Variants in ZNF736 observed in about 807,000 individuals in gnomAD.
The protein encoded by ZNF736 is KRAB-containing zinc-finger repressor protein.
Under a neutral mutation model 11.7 loss-of-function variants are expected in ZNF736, and 6 were observed. The ratio of observed to expected loss-of-function variants is 0.51; its 90% confidence interval spans 0.28 to 1.01. The LOEUF (loss-of-function observed/expected upper bound fraction) is 1.01. Ranked by LOEUF, ZNF736 falls within the 50% of genes least tolerant of loss-of-function variation. ZNF736 has a pLI of 0.09. For synonymous variants in ZNF736, 139 were observed against 164.7 expected (o/e 0.84, Z 1.19); for missense variants, 444 against 496.0 (o/e 0.90, Z 1.00).
chr7:64,353,646 A>G lies in ZNF736; in HGVS notation c.*4499A>G, dbSNP rs1789518653. On this transcript the variant is annotated 3_prime_UTR_variant, in exon 4 of 4. Coordinates refer to ENST00000423484, the MANE Select transcript of ZNF736 (RefSeq NM_001170905.3). The stretch of plus-strand genomic sequence containing the variant: ...AGATTTATATACTTTTCCATGGAGG[A>G]TTAAGTAAACTGAAACCTAAGACAC... 6.6e-6 allele frequency: 1 copy of G among 152,158 alleles called. No individual in the cohort carries two copies. The highest frequency in any genetic ancestry group is 1.5e-5 in the Non-Finnish European group (1 of 68,034). 9.4% of individuals were successfully genotyped at this position (152,158 alleles called of 1,614,324 possible).
chr7:64,319,337 A>ATG (rs1562666728), intron 1 of ZNF736, among the ~76,000 whole-genome samples: 7 of 53,074 alleles, frequency 1.3e-4, no homozygotes, highest in Middle Eastern at 9.3e-3. Flanking sequence ...GTATGTGTAT[A>ATG]TATATATATA....
Position 64,313,962 on chromosome 7 carries a change from C to T in ZNF736, c.-189C>T. The T allele has an allele frequency of 1.4e-6, 1 of 713,380 alleles. No homozygotes were observed. Among genetic ancestry groups the T allele is most frequent in the African/African-American group, 1.8e-5 (1 of 56,270 alleles). 44.2% of individuals were successfully genotyped at this position (713,380 alleles called of 1,614,324 possible). ...AAGTGCGCAGCTACAGAGGAAGAGG[C>T]GGCCTCTTCAATATGGCGGGGCCTT... On this transcript the variant is annotated 5_prime_UTR_variant, in exon 1 of 4. Transcript: ENST00000423484.
chr7:64,327,546 A>AT lies in ZNF736; in HGVS notation c.4-8712dup, dbSNP rs1789099387. Among the ~76,000 whole-genome samples the AT allele has an allele frequency of 2.0e-5, 3 of 152,122 alleles. No individual in the cohort carries two copies. In the South Asian group the frequency reaches 6.2e-4, roughly 31 times the overall value. ...TAATTTATATTCAGTGTTGTTATTA[A>AT]TAAATAAAGACTTACACCTGCCATT... On this transcript the variant is annotated intron_variant, in intron 1 of 3. Transcript: ENST00000423484.
chr7:64,335,600 C>A (rs904583328), intron 1 of ZNF736, among the ~76,000 whole-genome samples: 11 of 152,284 alleles, frequency 7.2e-5, no homozygotes, highest in Admixed American at 2.6e-4. Flanking sequence ...GGGAGTTTAT[C>A]AAGTGATGTG....
intron 3 of ZNF736, among the ~76,000 whole-genome samples, chr7:64,343,695 T>C (rs1789370000): frequency 6.6e-6 from 1 of 152,220 alleles, no homozygotes; most frequent in Non-Finnish European, 1.5e-5. Flanking sequence ...TTGGTTAATT[T>C]TTTTTGTTAA....
chr7:64,355,157 G>T lies in ZNF736; in HGVS notation c.*6010G>T. 6.3e-6 allele frequency: 1 copy of T among 159,326 alleles called. No individual in the cohort carries two copies. The allele number at this position is 159,326 out of a possible 1,614,324, so 9.9% of individuals were successfully genotyped here. A position where few individuals can be genotyped will look rare whatever the true frequency, so the allele number is the denominator to read the frequency against. ...AAACCTTGTAAAATTTTCAGATTATGTTTCTACATTTAAACATCTACTGGG... is the reference window on the plus strand; with the variant it reads ...AAACCTTGTAAAATTTTCAGATTATTTTTCTACATTTAAACATCTACTGGG... On this transcript the variant is annotated 3_prime_UTR_variant, in exon 4 of 4. Transcript: ENST00000423484.
intron 1 of ZNF736, among the ~76,000 whole-genome samples, chr7:64,327,031 T>C: frequency 6.6e-6 from 1 of 152,216 alleles, no homozygotes; most frequent in East Asian, 1.9e-4. Flanking sequence ...AGCTTTTTGA[T>C]GAAATGCTTT....
chr7:64,325,336 T>G (rs577589479), intron 1 of ZNF736, among the ~76,000 whole-genome samples: 1 of 152,354 alleles, frequency 6.6e-6, no homozygotes, highest in Admixed American at 6.5e-5. Context: ...ACTAGAGCTT[T>G]TGTCTCCTGG....
At chr7:64,345,732 T>A (rs1418817188) in intron 3 of ZNF736, among the ~76,000 whole-genome samples, 1 of 82,870 alleles carries the variant, frequency 1.2e-5, no homozygotes, top group African/African-American at 5.1e-5. Context: ...TACTCCATCT[T>A]AAAAAAAAAA....
intron 1 of ZNF736, among the ~76,000 whole-genome samples, chr7:64,319,333 G>GTGTGTGTATATA (rs1175526690): frequency 1.1e-4 from 8 of 71,648 alleles, no homozygotes; most frequent in Non-Finnish European, 1.4e-4. Flanking sequence ...GTGTGTATGT[G>GTGTGTGTATATA]TATATATATA....
At chr7:64,331,199 A>G (rs1391860123) in intron 1 of ZNF736, among the ~76,000 whole-genome samples, 2 of 152,158 alleles carry the variant, frequency 1.3e-5, no homozygotes, top group Non-Finnish European at 1.5e-5. Context: ...GCTTTAGCCT[A>G]TGGTGGTGGG....
chr7:64,344,146 T>C lies in ZNF736; in HGVS notation c.227-3944T>C, dbSNP rs1789377409. On this transcript the variant is annotated intron_variant, in intron 3 of 3. Transcript: ENST00000423484. The stretch of plus-strand genomic sequence containing the variant: ...GGCAAAACCCCGTCTCTAGTAAAAA[T>C]ATAAAATTAGCCAAGTGTGGTGGTG... Among the ~76,000 whole-genome samples, 5 of 151,848 alleles carry C rather than the reference T, an allele frequency of 3.3e-5. No homozygotes were observed. The South Asian group carries it at 1.0e-3, about 32-fold the overall frequency.
chr7:64,335,686 T>C (rs1377247081), intron 1 of ZNF736, among the ~76,000 whole-genome samples: 1 of 152,220 alleles, frequency 6.6e-6, no homozygotes, highest in East Asian at 1.9e-4. Context: ...TCGCTTGCTA[T>C]GGAAAATGAA....
chr7:64,337,755 G>GTT (rs147991832), intron 3 of ZNF736, among the ~76,000 whole-genome samples: 31,388 of 85,322 alleles, frequency 0.37, 4,859 homozygotes, highest in Middle Eastern at 0.48. Context: ...TGTTTTTTTT[G>GTT]GTTTTTTTTT....
chr7:64,319,366 T>C (rs1217663119), intron 1 of ZNF736, among the ~76,000 whole-genome samples: 22 of 133,230 alleles, frequency 1.7e-4, no homozygotes, highest in African/African-American at 6.2e-4. Context: ...TATATATATA[T>C]ATATATATAT....
intron 1 of ZNF736, among the ~76,000 whole-genome samples, chr7:64,317,278 A>T (rs1314302083): frequency 6.6e-6 from 1 of 152,098 alleles, no homozygotes; most frequent in Non-Finnish European, 1.5e-5. Flanking sequence ...TTTATCAGTA[A>T]TTTTTTCTAA....
At chr7:64,328,337 C>G (rs774733969) in intron 1 of ZNF736, among the ~76,000 whole-genome samples, 2 of 151,794 alleles carry the variant, frequency 1.3e-5, no homozygotes, top group Non-Finnish European at 2.9e-5. Flanking sequence ...TTTCCATCTC[C>G]TGGTCTGTAA....
intron 3 of ZNF736, among the ~76,000 whole-genome samples, chr7:64,342,150 G>A (rs1370532906): frequency 6.6e-6 from 1 of 152,134 alleles, no homozygotes; most frequent in Non-Finnish European, 1.5e-5. Context: ...TGCTTTGAGG[G>A]ATCTGGAAAA....
intron 3 of ZNF736, among the ~76,000 whole-genome samples, chr7:64,341,285 TTTC>T (rs1446373507): frequency 2.7e-5 from 4 of 150,916 alleles, no homozygotes; most frequent in Non-Finnish European, 5.9e-5. Flanking sequence ...TGGAAATTTA[TTTC>T]TTCAAGTGGG....
Sources: allele counts gnomAD v4.1 joint callset (sites outside exome capture counted in the v4.1 genomes callset), GRCh38; gene constraint gnomAD v4.1.1; transcripts MANE v1.5; gene names NCBI Gene and HGNC (gene_info 2026-07-23, HGNC 2026-07-21).